The following ADCY9 variants were observed in gnomAD, a reference collection of about 807,000 sequenced individuals.
The protein encoded by ADCY9 is adenylate cyclase 9, also known as adenylate cyclase type 9.
In ADCY9, 50 loss-of-function variants were observed where a neutral mutation model predicts 101.5. The observed-to-expected ratio is 0.49, with a 90% CI of 0.39 to 0.62. The LOEUF (loss-of-function observed/expected upper bound fraction) is 0.62, where lower values mean the gene tolerates loss of function less well. Among genes scored for constraint, ADCY9 ranks in the 20% least tolerant of loss-of-function variants. The pLI, the probability that ADCY9 is intolerant of heterozygous loss-of-function variation, is 0.00. For synonymous variants in ADCY9, 905 were observed against 769.3 expected, an observed-to-expected ratio of 1.18 and a Z score of -2.92; for missense variants, 1,662 against 1,800.4, an observed-to-expected ratio of 0.92 and a Z score of 1.39.
chr16:4,000,320 C>T (rs370418283), intron 3 of ADCY9, among the ~76,000 whole-genome samples: 3 of 151,998 alleles, frequency 2.0e-5, no homozygotes, highest in African/African-American at 4.8e-5. Context: ...CGGTCGGAAC[C>T]GCGTAAAGAG....
chr16:3,984,042 T>C, intron 6 of ADCY9: 1 of 152,602 alleles, frequency 6.6e-6, no homozygotes, highest in Non-Finnish European at 1.5e-5. Flanking sequence ...TGAACTATGA[T>C]CACACCACTG....
chr16:4,092,280 CAAACA>C (rs2056978592), intron 2 of ADCY9, among the ~76,000 whole-genome samples: 1 of 152,060 alleles, frequency 6.6e-6, no homozygotes. Context: ...AAAAAACAAA[CAAACA>C]AAAGAACCAA....
chr16:4,051,727 A>G (rs1446741782), intron 2 of ADCY9, among the ~76,000 whole-genome samples: 1 of 152,152 alleles, frequency 6.6e-6, no homozygotes, highest in Non-Finnish European at 1.5e-5. Context: ...AAGGAGAGAA[A>G]GACAGCAGGC....
intron 3 of ADCY9, among the ~76,000 whole-genome samples, chr16:4,001,107 A>G (rs1334792061): frequency 6.6e-6 from 1 of 152,130 alleles, no homozygotes; most frequent in Admixed American, 6.5e-5. Flanking sequence ...CTCACCGTAC[A>G]GTTATCAAAA....
chr16:3,961,508 G>A (rs184479412), downstream of ADCY9, among the ~76,000 whole-genome samples: 226 of 151,952 alleles, frequency 1.5e-3, no homozygotes, highest in African/African-American at 5.2e-3. Flanking sequence ...CAGCAAGGAC[G>A]GGTTATTCCC....
Position 3,965,371 on chromosome 16 carries a change from A to G in ADCY9, c.*404T>C, listed in dbSNP as rs2055980369. 9.0e-6 allele frequency: 2 copies of G among 223,328 alleles called. No individual in the cohort carries two copies. Among genetic ancestry groups the G allele is most frequent in the Non-Finnish European group, 1.8e-5 (2 of 112,838 alleles). The allele number at this position is 223,328 out of a possible 1,614,324, so 13.8% of individuals were successfully genotyped here. A position where few individuals can be genotyped will look rare whatever the true frequency, so the allele number is the denominator to read the frequency against. On this transcript the variant is annotated 3_prime_UTR_variant, in exon 11 of 11. Coordinates refer to ENST00000294016, the MANE Select transcript of ADCY9 (RefSeq NM_001116.4). Reference sequence around the variant, plus strand: ...CTCAAAAACAGGGTATTAGCCAGAGAACCGAAAATAGTGTCTCGTGGGACG... The same window carrying G: ...CTCAAAAACAGGGTATTAGCCAGAGGACCGAAAATAGTGTCTCGTGGGACG...
At chr16:3,978,676 A>G (rs1332705581) in intron 8 of ADCY9, among the ~76,000 whole-genome samples, 1 of 152,174 alleles carries the variant, frequency 6.6e-6, no homozygotes, top group Admixed American at 6.5e-5. Context: ...CTGGCTCAGG[A>G]GAGTAAAAGA....
chr16:4,097,553 ATTTTTTTTTT>A (rs35732229), intron 2 of ADCY9, among the ~76,000 whole-genome samples: 3 of 53,416 alleles, frequency 5.6e-5, no homozygotes, highest in African/African-American at 8.6e-5. Flanking sequence ...ATATATATAT[ATTTTTTTTTT>A]TTTTTTTTAA....
At chr16:3,981,083 C>T (rs1407968787) in intron 7 of ADCY9, among the ~76,000 whole-genome samples, 3 of 152,160 alleles carry the variant, frequency 2.0e-5, no homozygotes, top group Admixed American at 2.0e-4. Flanking sequence ...TCAGAGGGGC[C>T]AGGGAAGCCT....
chr16:3,989,282 G>A (rs1269863209), intron 5 of ADCY9, among the ~76,000 whole-genome samples, 186 bp from the exon 6 acceptor site: 2 of 152,064 alleles, frequency 1.3e-5, no homozygotes, highest in African/African-American at 2.4e-5. Context: ...AAAGTCCTTC[G>A]CACCTCAAAG....
intron 2 of ADCY9, among the ~76,000 whole-genome samples, chr16:4,060,632 GA>G (rs879784027): frequency 1.1e-3 from 160 of 147,646 alleles, no homozygotes; most frequent in Non-Finnish European, 1.7e-3. Flanking sequence ...TTAAAAATAA[GA>G]AAAAAAAAAT....
intron 3 of ADCY9, among the ~76,000 whole-genome samples, chr16:3,995,322 T>C (rs2056278256): frequency 6.6e-6 from 1 of 151,826 alleles, no homozygotes; most frequent in South Asian, 2.1e-4. Flanking sequence ...CAGCTACTTG[T>C]GGGGCTGAGG....
chr16:4,061,620 T>C (rs1467065417), intron 2 of ADCY9, among the ~76,000 whole-genome samples: 1 of 151,888 alleles, frequency 6.6e-6, no homozygotes, highest in Non-Finnish European at 1.5e-5. Context: ...ATCAAAACCA[T>C]ACCCCAAAAC....
At chr16:4,106,203 G>A (rs2057075880) in intron 2 of ADCY9, among the ~76,000 whole-genome samples, 1 of 152,234 alleles carries the variant, frequency 6.6e-6, no homozygotes. Flanking sequence ...ACAAGGGGCA[G>A]TCTTCTTCGC....
intron 10 of ADCY9, among the ~76,000 whole-genome samples, chr16:3,970,475 C>T (rs1177276184): frequency 2.6e-5 from 4 of 152,202 alleles, no homozygotes; most frequent in South Asian, 2.1e-4. Context: ...TACAGGTGTG[C>T]GCCACCATAC....
chr16:4,033,479 G>A (rs1483013349), intron 2 of ADCY9, among the ~76,000 whole-genome samples: 1 of 146,456 alleles, frequency 6.8e-6, no homozygotes, highest in Non-Finnish European at 1.5e-5. Flanking sequence ...CTGTCGCCAG[G>A]CCAGAGTGCA....
intron 2 of ADCY9, among the ~76,000 whole-genome samples, chr16:4,069,413 C>G (rs1393114491): frequency 1.3e-5 from 2 of 151,792 alleles, no homozygotes; most frequent in East Asian, 3.9e-4. Context: ...ACATCTACTT[C>G]TCGGGGGAGC....
rs76750792 is a variant in ADCY9, at chr16:4,097,487, T to TATATATAC, written c.1693+16262_1693+16263insGTATATAT. Among the ~76,000 whole-genome samples the TATATATAC allele has an allele frequency of 1.2e-3, 88 of 72,468 alleles. 1 individual carries two copies. The highest frequency in any genetic ancestry group is 4.2e-3 in the African/African-American group (81 of 19,146). 47.5% of individuals were successfully genotyped at this position (72,468 alleles called of 152,430 possible). On this transcript the variant is annotated intron_variant, in intron 2 of 10. Coordinates refer to ENST00000294016, the MANE Select transcript of ADCY9 (RefSeq NM_001116.4). ...ATATATATATATATATATATATATATACACACACACACACTATATATATGT... is the reference window on the plus strand; with the variant it reads ...ATATATATATATATATATATATATATATATATACACACACACACACACTATATATATGT...
chr16:4,052,453 G>A (rs2056707962), intron 2 of ADCY9, among the ~76,000 whole-genome samples: 1 of 152,182 alleles, frequency 6.6e-6, no homozygotes, highest in African/African-American at 2.4e-5. Flanking sequence ...CCGGAAAAAA[G>A]GGATGTGTGT....
Sources: gnomAD v4.1 joint callset for allele counts (sites outside exome capture counted in the v4.1 genomes callset) on GRCh38, gnomAD v4.1.1 for gene constraint, MANE v1.5 for transcripts, NCBI Gene and HGNC (gene_info 2026-07-23, HGNC 2026-07-21) for gene names.